Variants in LRRFIP1 observed in about 807,000 individuals in gnomAD.
LRRFIP1 encodes LRR binding FLII interacting protein 1, also known as leucine-rich repeat flightless-interacting protein 1.
LRRFIP1 carries 62 observed loss-of-function variants against 104.4 expected under a neutral mutation model. That is an observed-to-expected ratio of 0.59 (90% CI 0.48 to 0.73). LRRFIP1 has a LOEUF of 0.73. Among genes scored for constraint, LRRFIP1 ranks in the 30% least tolerant of loss-of-function variants. The pLI is 0.00. For missense variants in LRRFIP1, 796 were observed against 824.5 expected (o/e 0.97, Z 0.42); for synonymous variants, 300 against 299.0 (o/e 1.00, Z -0.03).
intron 11 of LRRFIP1, among the ~76,000 whole-genome samples, chr2:237,746,174 T>G (rs2057828275): frequency 6.6e-6 from 1 of 151,786 alleles, no homozygotes. Context: ...TTCTCCTGCC[T>G]CAACCTCCTG....
In LRRFIP1 at chr2:237,643,525, C is replaced by T. The variant is rs762909583; in HGVS notation, c.96+15785C>T. Among the ~76,000 whole-genome samples the T allele has an allele frequency of 2.0e-5, 3 of 152,348 alleles. No homozygotes were observed. The East Asian group carries it at 5.8e-4, about 29-fold the overall frequency. On this transcript the variant is annotated intron_variant, in intron 1 of 23. Coordinates refer to ENST00000308482, the MANE Select transcript of LRRFIP1 (RefSeq NM_001137550.2). ...CAGACGGCTGAGGAGTGAATGACTT[C>T]GGTCATAACCGTTACCATTGCTGTG...
intron 11 of LRRFIP1, among the ~76,000 whole-genome samples, chr2:237,741,208 A>G (rs1309221275): frequency 2.0e-5 from 3 of 152,230 alleles, no homozygotes; most frequent in African/African-American, 7.2e-5. Context: ...TGCATCAGGC[A>G]ATAACAGGAA....
chr2:237,772,778 A>G (rs889499956), intron 21 of LRRFIP1, 88 bp from the exon 22 acceptor site: 1 of 895,556 alleles, frequency 1.1e-6, no homozygotes, highest in Non-Finnish European at 1.8e-6. Flanking sequence ...GATGATTACA[A>G]AGTAAGGGCT....
rs1333550126 is a variant in LRRFIP1 at position 237,760,179 on chromosome 2, T to C, written c.1433T>C (p.Leu478Pro). The C allele has an allele frequency of 1.9e-6, 3 of 1,613,998 alleles. No homozygotes were observed. The highest frequency in any genetic ancestry group is 2.5e-6 in the Non-Finnish European group (3 of 1,180,020). Reference protein sequence around the residue: ...TKMTKEELNALKSTGDGTLDI... With the variant: ...TKMTKEELNAPKSTGDGTLDI... ...ATGACAAAAGAAGAGTTAAATGCCC[T>C]CAAGTCGACAGGGGATGGGACCCTA... The change falls in exon 19 of 24, where the codon CTC (leucine) becomes CCC (proline). Residue 478 changes from leucine to proline, a missense_variant. By Grantham distance (98) the Leu-to-Pro change is moderately conservative. Coordinates refer to ENST00000308482, the MANE Select transcript of LRRFIP1 (RefSeq NM_001137550.2).
chr2:237,660,914 G>A (rs982913965), intron 1 of LRRFIP1, among the ~76,000 whole-genome samples: 4 of 152,282 alleles, frequency 2.6e-5, no homozygotes, highest in South Asian at 4.1e-4. Flanking sequence ...AATATACAGC[G>A]TCGGGACACC....
intron 1 of LRRFIP1, among the ~76,000 whole-genome samples, chr2:237,632,034 G>C (rs188521939): frequency 6.6e-6 from 1 of 152,224 alleles, no homozygotes; most frequent in Admixed American, 6.5e-5. Context: ...AAGTTGACTC[G>C]TGGGCCTGCG....
intron 4 of LRRFIP1, among the ~76,000 whole-genome samples, chr2:237,718,928 A>G (rs532313719): frequency 2.6e-5 from 4 of 152,362 alleles, no homozygotes; most frequent in African/African-American, 9.6e-5. Context: ...TATAAGAAAG[A>G]GAAAAAAAGA....
At chr2:237,631,705 T>C (rs1390755813) in intron 1 of LRRFIP1, among the ~76,000 whole-genome samples, 3 of 152,234 alleles carry the variant, frequency 2.0e-5, no homozygotes, top group Non-Finnish European at 4.4e-5. Context: ...TTCAGCACTC[T>C]GCAGCTGAGT....
At chr2:237,641,655 T>G (rs1292086256) in intron 1 of LRRFIP1, among the ~76,000 whole-genome samples, 1 of 152,212 alleles carries the variant, frequency 6.6e-6, no homozygotes, top group Non-Finnish European at 1.5e-5. Flanking sequence ...TGATAGTTAA[T>G]AAATTATACT....
chr2:237,738,315 C>T (rs183528249), intron 10 of LRRFIP1, among the ~76,000 whole-genome samples: 5 of 152,198 alleles, frequency 3.3e-5, no homozygotes, highest in East Asian at 1.9e-4. Context: ...CCTTATAATT[C>T]GCAAGCAGGG....
intron 10 of LRRFIP1, among the ~76,000 whole-genome samples, chr2:237,737,357 C>T (rs534443297): frequency 6.6e-6 from 1 of 152,326 alleles, no homozygotes; most frequent in East Asian, 1.9e-4. Flanking sequence ...TCCACAGCCA[C>T]GTGGCCAACA....
At position 237,735,414 on chromosome 2, in the gene LRRFIP1, TGG is replaced by T. The variant is rs1320088036; in HGVS notation, c.555+86_555+87del. 2 of 1,354,354 alleles carry T rather than the reference TGG, an allele frequency of 1.5e-6. No homozygotes were observed. Among genetic ancestry groups the T allele is most frequent in the East Asian group, 4.8e-5 (2 of 41,284 alleles). The allele number at this position is 1,354,354 out of a possible 1,614,324, so 83.9% of individuals were successfully genotyped here. A position where few individuals can be genotyped will look rare whatever the true frequency, so the allele number is the denominator to read the frequency against. ...ATGCTCGCTGGGCAGGGTCCAGCCG[TGG>T]GGGGTGACTGGCCATTCTCAGGAGG... is the stretch of plus-strand genomic sequence containing the variant. On this transcript the variant is annotated intron_variant, in intron 10 of 23. Transcript: ENST00000308482. The surrounding 1 kb of genome is among the most constrained non-coding windows in gnomAD (Gnocchi z 4.6).
intron 1 of LRRFIP1, among the ~76,000 whole-genome samples, chr2:237,652,737 G>C (rs2086141272): frequency 1.3e-5 from 2 of 152,184 alleles, no homozygotes; most frequent in African/African-American, 4.8e-5. Context: ...TGTAATCCCA[G>C]CATTTGGGGA....
intron 1 of LRRFIP1, among the ~76,000 whole-genome samples, chr2:237,670,139 C>T (rs997416232): frequency 1.2e-4 from 18 of 152,334 alleles, no homozygotes; most frequent in African/African-American, 3.1e-4. Flanking sequence ...GAGAGGAAAA[C>T]GTCTGAAATG....
At chr2:237,734,588 C>CTT (rs1232171171) in intron 9 of LRRFIP1, among the ~76,000 whole-genome samples, 3 of 152,134 alleles carry the variant, frequency 2.0e-5, no homozygotes, top group African/African-American at 7.2e-5. Flanking sequence ...CCATTAATAA[C>CTT]TTTCTGAATT....
intron 18 of LRRFIP1, 37 bp downstream of exon 18, chr2:237,758,858 G>A (rs200976763): frequency 1.0e-4 from 148 of 1,474,570 alleles, no homozygotes; most frequent in Admixed American, 3.8e-4. Flanking sequence ...TAAAAAAAAA[G>A]AAAAAAAATC....
At chr2:237,754,425 G>A (rs2059026957) in intron 15 of LRRFIP1, among the ~76,000 whole-genome samples, 1 of 152,226 alleles carries the variant, frequency 6.6e-6, no homozygotes, top group South Asian at 2.1e-4. Context: ...GTTAAGATAA[G>A]TAATGACAGC....
chr2:237,672,092 A>T (rs74717623), intron 1 of LRRFIP1, among the ~76,000 whole-genome samples: 4,269 of 152,056 alleles, frequency 0.028, 192 homozygotes, highest in African/African-American at 0.097. Flanking sequence ...GCAGACAATT[A>T]CTTAGGCAGA....
chr2:237,710,308 G>A (rs2094007373), intron 2 of LRRFIP1, among the ~76,000 whole-genome samples: 1 of 148,158 alleles, frequency 6.7e-6, no homozygotes, highest in Non-Finnish European at 1.5e-5. Context: ...TTTTGAGACA[G>A]AATCTTGCTT....
Sources: allele counts gnomAD v4.1 joint callset (sites outside exome capture counted in the v4.1 genomes callset), GRCh38; gene constraint gnomAD v4.1.1; non-coding constraint Gnocchi (gnomAD v3.1); transcripts MANE v1.5; gene names NCBI Gene and HGNC (gene_info 2026-07-23, HGNC 2026-07-21).